STAB2: variants seen among roughly 807,000 people sequenced by gnomAD.
STAB2 encodes the protein stabilin-2.
Under a neutral mutation model 338.1 loss-of-function variants are expected in STAB2, and 288 were observed. The observed-to-expected ratio is 0.85, with a 90% CI of 0.77 to 0.94. The LOEUF (loss-of-function observed/expected upper bound fraction) is 0.94, where lower values mean the gene tolerates loss of function less well. Among genes scored for constraint, STAB2 ranks in the 40% least tolerant of loss-of-function variants. STAB2 has a pLI of 0.00. For synonymous variants in STAB2, 1,202 were observed against 1,193.3 expected, an observed-to-expected ratio of 1.01 and a Z score of -0.15; for missense variants, 3,141 against 3,210.1, an observed-to-expected ratio of 0.98 and a Z score of 0.52.
At chr12:103,693,715 G>A (rs968347155) in intron 31 of STAB2, among the ~76,000 whole-genome samples, 1 of 152,088 alleles carries the variant, frequency 6.6e-6, no homozygotes, top group East Asian at 1.9e-4. Flanking sequence ...ATGAGAAATG[G>A]GATTGTAAGC....
intron 2 of STAB2, among the ~76,000 whole-genome samples, chr12:103,592,408 TAC>T (rs370946934): frequency 1.3e-5 from 2 of 151,648 alleles, no homozygotes; most frequent in African/African-American, 2.4e-5. Flanking sequence ...CACACACACA[TAC>T]ACACACACAC....
At chr12:103,650,790 C>T (rs939596919) in intron 11 of STAB2, among the ~76,000 whole-genome samples, 4 of 152,264 alleles carry the variant, frequency 2.6e-5, no homozygotes, top group South Asian at 2.1e-4. Flanking sequence ...ATTTTCCCAA[C>T]GTGAACCTAC....
chr12:103,620,696 G>A (rs1301043268), intron 4 of STAB2, 143 bp downstream of exon 4: 2 of 778,834 alleles, frequency 2.6e-6, no homozygotes, highest in African/African-American at 1.8e-5. Context: ...AGCAGTGAAG[G>A]TATTAATTTT....
In STAB2 at chr12:103,606,339, A is replaced by G. The variant is rs1269335116; in HGVS notation, c.331+11829A>G. Among the ~76,000 whole-genome samples, 3 of 152,296 alleles carry G rather than the reference A, an allele frequency of 2.0e-5. No individual in the cohort carries two copies. In the East Asian group the frequency reaches 5.8e-4, roughly 29 times the overall value. On this transcript the variant is annotated intron_variant, in intron 3 of 68. Coordinates refer to ENST00000388887, the MANE Select transcript of STAB2 (RefSeq NM_017564.10). Reference sequence around the variant, plus strand: ...ATATATATTAGAAGCCCCACATTATATTGTTACCAATTTTTCCTTAAACAA... The same window carrying G: ...ATATATATTAGAAGCCCCACATTATGTTGTTACCAATTTTTCCTTAAACAA...
chr12:103,690,452 G>A lies in STAB2; in HGVS notation c.3211G>A (p.Val1071Met), dbSNP rs771583303. The change falls in exon 30 of 69, where the codon GTG becomes ATG. Residue 1071 changes from valine (V) to methionine (M), a missense_variant. By Grantham distance (21) the Val-to-Met change is conservative (BLOSUM62 1). Coordinates refer to ENST00000388887, the MANE Select transcript of STAB2 (RefSeq NM_017564.10). Reference protein sequence around the residue: ...KYHMLLGTYRVADLQTLSSSD... With the variant: ...KYHMLLGTYRMADLQTLSSSD... Reference sequence around the variant, plus strand: ...CCATATGCTACTAGGCACATACAGAGTGGCAGATCTGCAGACCCTGTCTTC... The same window carrying A: ...CCATATGCTACTAGGCACATACAGAATGGCAGATCTGCAGACCCTGTCTTC... The A allele has an allele frequency of 6.2e-7, 1 of 1,613,972 alleles. No individual in the cohort carries two copies. Among genetic ancestry groups the A allele is most frequent in the Non-Finnish European group, 8.5e-7 (1 of 1,179,958 alleles).
chr12:103,671,929 A>G (rs974636399), intron 22 of STAB2, among the ~76,000 whole-genome samples: 4 of 152,244 alleles, frequency 2.6e-5, no homozygotes, highest in African/African-American at 9.6e-5. Context: ...TTGTGGAGTC[A>G]GACCATCCTG....
chr12:103,660,596 C>A, intron 16 of STAB2, 87 bp from the exon 17 acceptor site: 1 of 1,455,930 alleles, frequency 6.9e-7, no homozygotes, highest in Non-Finnish European at 9.6e-7. Flanking sequence ...CACTTTGAAA[C>A]CTATTTTTTC....
At chr12:103,765,088 A>C (rs1207829710) in intron 68 of STAB2, among the ~76,000 whole-genome samples, 8 of 56,450 alleles carry the variant, frequency 1.4e-4, no homozygotes, top group African/African-American at 1.6e-4. Flanking sequence ...CTCTGTCTCA[A>C]AAAAAAAAAA....
chr12:103,753,517 A>T (rs557785777), intron 61 of STAB2, among the ~76,000 whole-genome samples, 164 bp downstream of exon 61: 1 of 152,170 alleles, frequency 6.6e-6, no homozygotes, highest in East Asian at 1.9e-4. Context: ...TTGGGCATCT[A>T]TTATGTGTCA....
chr12:103,672,509 C>CT (rs1285760619), intron 22 of STAB2, among the ~76,000 whole-genome samples: 2 of 152,112 alleles, frequency 1.3e-5, no homozygotes, highest in Non-Finnish European at 2.9e-5. Flanking sequence ...TATAACAATT[C>CT]TTTTTTGCTT....
intron 1 of STAB2, among the ~76,000 whole-genome samples, chr12:103,588,447 GC>G (rs1284591709): frequency 6.6e-6 from 1 of 151,166 alleles, no homozygotes; most frequent in Non-Finnish European, 1.5e-5. Context: ...CTTCAGTCTC[GC>G]CCCTGACAGT....
Position 103,730,122 on chromosome 12 carries a change from G to A in STAB2, c.5089G>A (p.Val1697Met), listed in dbSNP as rs141025187. Residue 1697 changes from valine to methionine, a missense_variant, in exon 49 of 69, where the codon GTG (valine) becomes ATG (methionine). By Grantham distance (21) the Val-to-Met change is conservative. Coordinates refer to ENST00000388887, the MANE Select transcript of STAB2 (RefSeq NM_017564.10). ...TGTTTTTGGTTGATTTCAGAGCACG[G>A]TGTATATAAACAATAAGGCTAAGAT... Reference protein sequence around the residue: ...PIVISVSQSTVYINNKAKIIS... With the variant: ...PIVISVSQSTMYINNKAKIIS... 1 of 1,591,144 alleles carries A rather than the reference G, an allele frequency of 6.3e-7. No homozygotes were observed. The highest frequency in any genetic ancestry group is 8.5e-7 in the Non-Finnish European group (1 of 1,170,418).
intron 21 of STAB2, among the ~76,000 whole-genome samples, chr12:103,670,385 G>A (rs79237361): frequency 6.6e-6 from 1 of 152,144 alleles, no homozygotes; most frequent in East Asian, 1.9e-4. Flanking sequence ...TGTAAAGGGA[G>A]GCTAGTCACT....
At chr12:103,666,934 T>C (rs1462966473) in intron 19 of STAB2, among the ~76,000 whole-genome samples, 1 of 152,248 alleles carries the variant, frequency 6.6e-6, no homozygotes, top group Admixed American at 6.5e-5. Context: ...CATTTCATTT[T>C]GCTTTTATCT....
intron 55 of STAB2, 50 bp downstream of exon 55, chr12:103,740,806 C>T: frequency 6.6e-7 from 1 of 1,515,376 alleles, no homozygotes. Context: ...TAATATGCTC[C>T]TGCTCGTTGT....
intron 10 of STAB2, 112 bp downstream of exon 10, chr12:103,648,935 C>A: frequency 6.9e-7 from 1 of 1,458,046 alleles, no homozygotes; most frequent in South Asian, 1.4e-5. Context: ...TTAGAATCAG[C>A]CTTTTTGGAG....
chr12:103,753,459 A>G (rs1381437058), intron 61 of STAB2, 106 bp downstream of exon 61: 8 of 1,477,944 alleles, frequency 5.4e-6, no homozygotes, highest in Admixed American at 1.8e-5. Context: ...CAAGCAAGGG[A>G]GTGCAGGTAG....
At chr12:103,710,470 C>G (rs1471747571) in intron 39 of STAB2, among the ~76,000 whole-genome samples, 1 of 152,204 alleles carries the variant, frequency 6.6e-6, no homozygotes, top group Non-Finnish European at 1.5e-5. Context: ...GCAGACATCA[C>G]TAATCAATCA....
chr12:103,623,003 G>C (rs1245080816), intron 5 of STAB2, among the ~76,000 whole-genome samples: 1 of 152,228 alleles, frequency 6.6e-6, no homozygotes, highest in East Asian at 1.9e-4. Flanking sequence ...ACAAATTTGA[G>C]ACTGGCTTGT....
Sources: gnomAD v4.1 joint callset for allele counts (sites outside exome capture counted in the v4.1 genomes callset) on GRCh38, gnomAD v4.1.1 for gene constraint, MANE v1.5 for transcripts, NCBI Gene and HGNC (gene_info 2026-07-23, HGNC 2026-07-21) for gene names.